The following TTC27 variants were observed in gnomAD, a reference collection of about 807,000 sequenced individuals.
The protein encoded by TTC27 is tetratricopeptide repeat domain 27.
Under a neutral mutation model 115.9 loss-of-function variants are expected in TTC27, and 79 were observed. The observed-to-expected ratio is 0.68, with a 90% CI of 0.57 to 0.82. The LOEUF is 0.82. Ranked by LOEUF, TTC27 falls within the 40% of genes least tolerant of loss-of-function variation. The pLI is 0.00. For synonymous variants in TTC27, 401 were observed against 356.0 expected, an observed-to-expected ratio of 1.13 and a Z score of -1.42; for missense variants, 1,054 against 993.1, an observed-to-expected ratio of 1.06 and a Z score of -0.82.
At chr2:32,746,334 G>A (rs3769580) in intron 12 of TTC27, among the ~76,000 whole-genome samples, 8,442 of 151,888 alleles carry the variant, frequency 0.056, 234 homozygotes, top group East Asian at 0.094. Flanking sequence ...GGCCGAGACG[G>A]GTGGATTACC....
intron 4 of TTC27, among the ~76,000 whole-genome samples, chr2:32,640,843 G>A (rs113069837): frequency 0.014 from 2,164 of 152,064 alleles, 37 homozygotes; most frequent in African/African-American, 0.042. Context: ...TTAGCTGGGC[G>A]CAGTGGCGTG....
intron 13 of TTC27, among the ~76,000 whole-genome samples, chr2:32,764,448 A>C (rs1204132355): frequency 6.6e-6 from 1 of 150,664 alleles, no homozygotes; most frequent in African/African-American, 2.5e-5. Context: ...CTTTATTACC[A>C]AAAAAAAATG....
At chr2:32,754,131 CAATT>C (rs963365167) in intron 12 of TTC27, among the ~76,000 whole-genome samples, 2 of 149,658 alleles carry the variant, frequency 1.3e-5, no homozygotes, top group South Asian at 2.2e-4. Flanking sequence ...ACTAATAAAA[CAATT>C]CATTCTACAT....
rs190852003 is a variant in TTC27 at position 32,815,338 on chromosome 2, G to T, written c.2309-2119G>T. Reference sequence around the variant, plus strand: ...TGCAAGCTTCGCCTCCCAGGTTCACGCCATTCTCCTGCCTCAGCCTCCCAA... The same window carrying T: ...TGCAAGCTTCGCCTCCCAGGTTCACTCCATTCTCCTGCCTCAGCCTCCCAA... On this transcript the variant is annotated intron_variant, in intron 18 of 19. Coordinates refer to ENST00000317907, the MANE Select transcript of TTC27 (RefSeq NM_017735.5). Among the ~76,000 whole-genome samples the T allele has an allele frequency of 7.9e-3, 1,111 of 140,370 alleles. 6 individuals carry two copies. The highest frequency in any genetic ancestry group is 0.029 in the African/African-American group (1,072 of 37,612). The allele number at this position is 140,370 out of a possible 152,430, so 92.1% of individuals were successfully genotyped here.
chr2:32,673,292 T>A (rs928093990), intron 8 of TTC27, among the ~76,000 whole-genome samples: 54 of 151,584 alleles, frequency 3.6e-4, no homozygotes, highest in African/African-American at 1.1e-3. Flanking sequence ...TGGCACAATC[T>A]TGGCTCATTG....
At chr2:32,736,989 T>C (rs1359033721) in intron 12 of TTC27, among the ~76,000 whole-genome samples, 173 bp downstream of exon 12, 2 of 152,230 alleles carry the variant, frequency 1.3e-5, no homozygotes, top group African/African-American at 2.4e-5. Flanking sequence ...GGCAGATTTT[T>C]ACAAAATTTT....
intron 9 of TTC27, among the ~76,000 whole-genome samples, chr2:32,699,341 A>C (rs1269057910): frequency 2.0e-5 from 3 of 152,232 alleles, no homozygotes; most frequent in African/African-American, 7.2e-5. Flanking sequence ...TCACTTCTCA[A>C]GTTCTAAATG....
chr2:32,743,535 A>G (rs951186929), intron 12 of TTC27, among the ~76,000 whole-genome samples: 7 of 152,198 alleles, frequency 4.6e-5, no homozygotes, highest in African/African-American at 1.4e-4. Context: ...ATGAGCCCCA[A>G]TATAGCAGGT....
At chr2:32,663,632 CTATT>C (rs201906680) in intron 5 of TTC27, among the ~76,000 whole-genome samples, 156 of 142,404 alleles carry the variant, frequency 1.1e-3, no homozygotes, top group African/African-American at 3.6e-3. Flanking sequence ...CAGCCACCCC[CTATT>C]TATGTATGTA....
Position 32,636,471 on chromosome 2 carries a change from C to T in TTC27, c.396+2466C>T, listed in dbSNP as rs141322923. 3.2e-3 allele frequency among the ~76,000 whole-genome samples: 493 copies of T among 152,272 alleles called. 3 individuals carry two copies. The highest frequency in any genetic ancestry group is 0.011 in the African/African-American group (446 of 41,554). On this transcript the variant is annotated intron_variant, in intron 3 of 19. Transcript: ENST00000317907. The stretch of plus-strand genomic sequence containing the variant: ...TCAGGTGATCCACCCGCCTCGGCCT[C>T]CCAAAGTGTTAGGATTATGGTGTGA...
At chr2:32,638,276 G>A (rs1318542415) in intron 3 of TTC27, among the ~76,000 whole-genome samples, 1 of 152,032 alleles carries the variant, frequency 6.6e-6, no homozygotes, top group Non-Finnish European at 1.5e-5. Context: ...TGGTTGTGGA[G>A]GTAATTCATA....
intron 9 of TTC27, among the ~76,000 whole-genome samples, chr2:32,684,788 T>G (rs1666572325): frequency 6.6e-6 from 1 of 151,994 alleles, no homozygotes; most frequent in African/African-American, 2.4e-5. Flanking sequence ...AGTTGATTAC[T>G]TCAGAATTAC....
At chr2:32,647,570 C>T (rs191552891) in intron 4 of TTC27, among the ~76,000 whole-genome samples, 22 of 152,244 alleles carry the variant, frequency 1.4e-4, no homozygotes, top group African/African-American at 3.1e-4. Context: ...GGTTGCATCA[C>T]GGTTGTAGTA....
At chr2:32,710,775 T>G (rs1667548249) in intron 10 of TTC27, among the ~76,000 whole-genome samples, 1 of 151,980 alleles carries the variant, frequency 6.6e-6, no homozygotes, top group Non-Finnish European at 1.5e-5. Context: ...AAGATTATGT[T>G]TTTAGATATC....
At chr2:32,643,479 T>C (rs1028894603) in intron 4 of TTC27, among the ~76,000 whole-genome samples, 1 of 151,924 alleles carries the variant, frequency 6.6e-6, no homozygotes, top group Non-Finnish European at 1.5e-5. Context: ...CTAATTTTTT[T>C]GTACTTTTAG....
At chr2:32,739,453 C>A (rs1367127787) in intron 12 of TTC27, among the ~76,000 whole-genome samples, 2 of 152,050 alleles carry the variant, frequency 1.3e-5, no homozygotes, top group Non-Finnish European at 1.5e-5. Flanking sequence ...ATTTGACTGT[C>A]CCCCTAAGTA....
chr2:32,683,201 G>C (rs1257511760), intron 9 of TTC27, among the ~76,000 whole-genome samples: 1 of 151,980 alleles, frequency 6.6e-6, no homozygotes, highest in Admixed American at 6.6e-5. Context: ...TGTTGGCCAG[G>C]CTAGTCTCGA....
At chr2:32,711,838 G>A (rs1433720764) in intron 10 of TTC27, among the ~76,000 whole-genome samples, 1 of 152,116 alleles carries the variant, frequency 6.6e-6, no homozygotes, top group African/African-American at 2.4e-5. Flanking sequence ...TACTCAGGAA[G>A]CTGAGGCAGG....
In TTC27 at chr2:32,664,404, A is replaced by G. The variant is rs371049160; in HGVS notation, c.742A>G (p.Arg248Gly). 9.3e-6 allele frequency: 15 copies of G among 1,612,472 alleles called. No homozygotes were observed. The highest frequency in any genetic ancestry group is 1.3e-5 in the Non-Finnish European group (15 of 1,179,526). The change falls in exon 6 of 20, where the codon AGA becomes GGA. Residue 248 changes from arginine (R) to glycine (G), a missense_variant. Physicochemically the swap from Arg to Gly is moderately radical, Grantham distance 125. Transcript: ENST00000317907. ...TGTGTTTTTATATTATTATGAGTAC[A>G]GAAAAGCAAAAGATCAGTTGGATAT... is the stretch of plus-strand genomic sequence containing the variant. ...AYVFLYYYEY[R>G]KAKDQLDIAK...
Sources: gnomAD v4.1 joint callset for allele counts (sites outside exome capture counted in the v4.1 genomes callset) on GRCh38, gnomAD v4.1.1 for gene constraint, MANE v1.5 for transcripts, NCBI Gene and HGNC (gene_info 2026-07-23, HGNC 2026-07-21) for gene names.